The following PCDH11X variants were observed in gnomAD, a reference collection of about 807,000 sequenced individuals.
The protein encoded by PCDH11X is protocadherin 11 X-linked, also known as protocadherin-11 X-linked.
PCDH11X carries 18 observed loss-of-function variants against 53.3 expected under a neutral mutation model. The observed-to-expected ratio is 0.34, with a 90% confidence interval of 0.23 to 0.50. The LOEUF (loss-of-function observed/expected upper bound fraction) is 0.50. PCDH11X is among the 20% of genes least tolerant of loss of function. PCDH11X has a pLI of 0.98. For synonymous variants in PCDH11X, 279 were observed against 393.3 expected (o/e 0.71, Z 3.44); for missense variants, 570 against 1,032.4 (o/e 0.55, Z 6.14).
chrX:92,074,241 T>C (rs1371593504), intron 6 of PCDH11X, among the ~76,000 whole-genome samples: 3 of 111,421 alleles, frequency 2.7e-5, no homozygotes, highest in Non-Finnish European at 5.7e-5. Context: ...ATGAAAGACA[T>C]TTTTAGACCA....
intron 8 of PCDH11X, among the ~76,000 whole-genome samples, chrX:92,285,824 C>A (rs1305352043): frequency 9.0e-6 from 1 of 111,049 alleles, no homozygotes; most frequent in Admixed American, 9.6e-5. Context: ...GGGCTGACAG[C>A]CAGGAACAGA....
chrX:92,574,609 C>A (rs867977231), intron 10 of PCDH11X, among the ~76,000 whole-genome samples: 4 of 111,071 alleles, frequency 3.6e-5, no homozygotes, highest in African/African-American at 1.3e-4. Flanking sequence ...AGTTAATTTT[C>A]AATTATTGAA....
chrX:91,839,232 C>T (rs1206158734), intron 5 of PCDH11X, among the ~76,000 whole-genome samples: 1 of 109,720 alleles, frequency 9.1e-6, no homozygotes, highest in Non-Finnish European at 1.9e-5. Flanking sequence ...CAGTTCCTGA[C>T]TCCTAATCAA....
At chrX:92,519,180 A>G (rs957660523) in intron 10 of PCDH11X, among the ~76,000 whole-genome samples, 1 of 110,264 alleles carries the variant, frequency 9.1e-6, no homozygotes, top group African/African-American at 3.3e-5. Context: ...AGTGCTTAAT[A>G]CAATGTATTG....
chrX:92,175,785 T>TACACAC lies in PCDH11X; in HGVS notation c.3034-25576_3034-25571dup, dbSNP rs750843204. Among the ~76,000 whole-genome samples, 570 of 83,798 alleles carry TACACAC rather than the reference T, an allele frequency of 6.8e-3. 5 individuals carry two copies. The highest frequency in any genetic ancestry group is 0.023 in the African/African-American group (542 of 23,234). The allele number at this position is 83,798 out of a possible 115,157, so 72.8% of individuals were successfully genotyped here. A position where few individuals can be genotyped will look rare whatever the true frequency, so the allele number is the denominator to read the frequency against. ...GTGTGTGTGTGTGTGTGTATATATA[T>TACACAC]ACACACACACACACACACAGAGAGA... On this transcript the variant is annotated intron_variant, in intron 6 of 10. Transcript: ENST00000682573.
At chrX:92,286,230 T>G (rs2068368344) in intron 8 of PCDH11X, among the ~76,000 whole-genome samples, 1 of 107,280 alleles carries the variant, frequency 9.3e-6, no homozygotes, top group Non-Finnish European at 1.9e-5. Flanking sequence ...CCATCACAGC[T>G]TTATCACGCC....
At chrX:92,458,090 A>G (rs1192136484) in intron 9 of PCDH11X, among the ~76,000 whole-genome samples, 2 of 105,335 alleles carry the variant, frequency 1.9e-5, no homozygotes, top group East Asian at 6.0e-4. Flanking sequence ...TTTCCAAACT[A>G]TGTCCTAAGT....
Position 92,326,639 on chromosome X carries a change from T to TAG in PCDH11X, c.3145-61072_3145-61071dup, listed in dbSNP as rs1556365466. On this transcript the variant is annotated intron_variant, in intron 8 of 10. Transcript: ENST00000682573. Reference sequence around the variant, plus strand: ...TTAATAAACTATATATATATATATATAGAGAGAGAGAGAGAGAGAGAGAGA... The same window carrying TAG: ...TTAATAAACTATATATATATATATATAGAGAGAGAGAGAGAGAGAGAGAGAGA... Among the ~76,000 whole-genome samples, 102 of 39,259 alleles carry TAG rather than the reference T, an allele frequency of 2.6e-3. 26 individuals carry two copies. Among genetic ancestry groups the TAG allele is most frequent in the Admixed American group, 4.2e-3 (10 of 2,357 alleles). 34.1% of individuals were successfully genotyped at this position (39,259 alleles called of 115,157 possible). A position where few individuals can be genotyped will look rare whatever the true frequency, so the allele number is the denominator to read the frequency against.
chrX:92,522,819 T>C (rs1022703624), intron 10 of PCDH11X, among the ~76,000 whole-genome samples: 1 of 112,266 alleles, frequency 8.9e-6, no homozygotes, highest in Non-Finnish European at 1.9e-5. Flanking sequence ...GTTAATTAAC[T>C]TTCCTACGAT....
intron 10 of PCDH11X, among the ~76,000 whole-genome samples, chrX:92,579,804 A>G (rs61487208): frequency 0.029 from 3,208 of 111,461 alleles, 69 homozygotes; most frequent in African/African-American, 0.077. Flanking sequence ...TGTTGTGATA[A>G]TTTGGAGAGG....
intron 6 of PCDH11X, among the ~76,000 whole-genome samples, chrX:92,195,458 T>G (rs924075790): frequency 1.8e-5 from 2 of 111,496 alleles, no homozygotes; most frequent in African/African-American, 6.5e-5. Context: ...ATTCATCTCG[T>G]TTTTTCCACA....
intron 8 of PCDH11X, among the ~76,000 whole-genome samples, chrX:92,277,684 G>A (rs1266401338): frequency 9.1e-6 from 1 of 109,469 alleles, no homozygotes; most frequent in East Asian, 2.9e-4. Context: ...ATGGAAATAA[G>A]GGGTCAGGGC....
intron 10 of PCDH11X, among the ~76,000 whole-genome samples, chrX:92,512,640 G>A (rs988517579): frequency 8.9e-6 from 1 of 112,046 alleles, no homozygotes; most frequent in African/African-American, 3.2e-5. Flanking sequence ...CCACAAAACT[G>A]AGCCAGCGTG....
rs1023501188 is a variant in PCDH11X, at chrX:92,321,188, T to G, written c.3144+58045T>G. On this transcript the variant is annotated intron_variant, in intron 8 of 10. Transcript: ENST00000682573. ...TATCTGTGAGCTGAACTGTAAGTTT[T>G]TTTTTGTTTTTTTTTTTTTTTTGAG... 2.1e-5 allele frequency among the ~76,000 whole-genome samples: 2 copies of G among 93,131 alleles called. 1 individual carries two copies. Among genetic ancestry groups the G allele is most frequent in the African/African-American group, 8.7e-5 (2 of 22,905 alleles). The allele number at this position is 93,131 out of a possible 115,157, so 80.9% of individuals were successfully genotyped here.
At chrX:91,888,674 T>A (rs1381719889) in intron 6 of PCDH11X, among the ~76,000 whole-genome samples, 3 of 111,123 alleles carry the variant, frequency 2.7e-5, no homozygotes, top group Non-Finnish European at 5.7e-5. Flanking sequence ...AAAATTTTTT[T>A]AAATAAATAA....
intron 6 of PCDH11X, among the ~76,000 whole-genome samples, chrX:91,996,131 A>G (rs376228584): frequency 1.9e-3 from 147 of 78,868 alleles, no homozygotes; most frequent in Middle Eastern, 0.011. Flanking sequence ...ATGAGCCACC[A>G]CGCCTGGCCT....
intron 10 of PCDH11X, among the ~76,000 whole-genome samples, chrX:92,606,656 CA>C (rs1165056619): frequency 6.4e-5 from 7 of 110,043 alleles, no homozygotes. Context: ...CAAGCAACAA[CA>C]AAAAAATACA....
At chrX:92,108,245 T>C (rs1290033355) in intron 6 of PCDH11X, among the ~76,000 whole-genome samples, 1 of 112,023 alleles carries the variant, frequency 8.9e-6, no homozygotes, top group African/African-American at 3.2e-5. Context: ...TCAATAGCAA[T>C]AGACTGGCAA....
At chrX:92,270,798 A>C (rs1251252210) in intron 8 of PCDH11X, among the ~76,000 whole-genome samples, 1 of 112,123 alleles carries the variant, frequency 8.9e-6, no homozygotes, top group African/African-American at 3.2e-5. Context: ...GAGCTATTTA[A>C]CCTTTTATCT....
Sources: allele counts gnomAD v4.1 joint callset (sites outside exome capture counted in the v4.1 genomes callset), GRCh38; gene constraint gnomAD v4.1.1; transcripts MANE v1.5; gene names NCBI Gene and HGNC (gene_info 2026-07-23, HGNC 2026-07-21).